Variants in ERICH1 observed in about 807,000 individuals in gnomAD.
ERICH1 encodes glutamate rich 1.
In ERICH1, 56 loss-of-function variants were observed where a neutral mutation model predicts 39.6. The observed-to-expected ratio is 1.41, with a 90% CI of 1.14 to 1.77. The LOEUF (loss-of-function observed/expected upper bound fraction) is 1.77, where lower values mean the gene tolerates loss of function less well. Among genes scored for constraint, ERICH1 ranks in the 40% most tolerant of loss-of-function variants. The probability of loss-of-function intolerance (pLI) is 0.00; values close to 1 mark genes in which losing one functional copy is unlikely to be tolerated. For synonymous variants in ERICH1, 313 were observed against 223.6 expected, an observed-to-expected ratio of 1.40 and a Z score of -3.57; for missense variants, 826 against 575.4, an observed-to-expected ratio of 1.44 and a Z score of -4.45.
At chr8:713,282 G>A (rs574055381) in intron 2 of ERICH1, among the ~76,000 whole-genome samples, 9 of 152,338 alleles carry the variant, frequency 5.9e-5, no homozygotes, top group African/African-American at 1.2e-4. Flanking sequence ...TGCTGGTGGC[G>A]GCTGTGAGGC....
At chr8:629,944 C>A (rs1410857048) in intron 3 of ERICH1, among the ~76,000 whole-genome samples, 1 of 130,132 alleles carries the variant, frequency 7.7e-6, no homozygotes, top group South Asian at 2.5e-4. Flanking sequence ...CCACACAGAG[C>A]TGACTCACAC....
chr8:628,064 T>G (rs1392207647), intron 3 of ERICH1, among the ~76,000 whole-genome samples: 2 of 152,124 alleles, frequency 1.3e-5, no homozygotes, highest in East Asian at 3.9e-4. Flanking sequence ...CTCAACTAAA[T>G]GGCCCTCTCT....
chr8:719,376 T>G, intron 1 of ERICH1, among the ~76,000 whole-genome samples: 1 of 152,220 alleles, frequency 6.6e-6, no homozygotes, highest in Non-Finnish European at 1.5e-5. Context: ...TGCAGTAACT[T>G]GGGTCCAGTG....
intron 3 of ERICH1, among the ~76,000 whole-genome samples, chr8:620,923 T>C (rs1797241781): frequency 6.6e-6 from 1 of 152,184 alleles, no homozygotes; most frequent in Admixed American, 6.5e-5. Flanking sequence ...AACTTAGATT[T>C]AACCAGCATC....
In ERICH1 at chr8:674,062, C is replaced by G. The variant is rs376326473; in HGVS notation, c.305-15G>C. ...AGGATCCTGATCTGTTAAAAAAATT[C>G]AAATATAACAATTTTCAGTACAATG... On this transcript the variant is annotated splice_polypyrimidine_tract_variant and intron_variant, in intron 3 of 5. Coordinates refer to ENST00000262109, the MANE Select transcript of ERICH1 (RefSeq NM_207332.3). 86 of 1,517,510 alleles carry G rather than the reference C, an allele frequency of 5.7e-5. No homozygotes were observed. The Admixed American group carries it at 6.2e-4, about 11-fold the overall frequency. The allele number at this position is 1,517,510 out of a possible 1,614,324, so 94.0% of individuals were successfully genotyped here.
At chr8:658,114 G>C (rs1219416148) in intron 3 of ERICH1, among the ~76,000 whole-genome samples, 1 of 152,226 alleles carries the variant, frequency 6.6e-6, no homozygotes, top group African/African-American at 2.4e-5. Context: ...TCGTGCCCAA[G>C]TGGCCTCTGG....
At chr8:668,552 T>G in intron 5 of ERICH1, 46 bp downstream of exon 5, 25 of 1,608,192 alleles carry the variant, frequency 1.6e-5, no homozygotes, top group Non-Finnish European at 2.0e-5. Flanking sequence ...CAAACCTCGA[T>G]GAGAGTATCT....
chr8:664,334 A>C lies in ERICH1; in HGVS notation c.*269T>G, dbSNP rs1176925497. On this transcript the variant is annotated 3_prime_UTR_variant, in exon 6 of 6. Coordinates refer to ENST00000262109, the MANE Select transcript of ERICH1 (RefSeq NM_207332.3). The stretch of plus-strand genomic sequence containing the variant: ...TTAACTTAACAGAATGTCCATTTTC[A>C]ATTTTTACAATAAGTAGAGAAACAG... 1 of 1,102,608 alleles carries C rather than the reference A, an allele frequency of 9.1e-7. No individual in the cohort carries two copies. The highest frequency in any genetic ancestry group is 5.2e-5 in the East Asian group (1 of 19,064). The allele number at this position is 1,102,608 out of a possible 1,614,324, so 68.3% of individuals were successfully genotyped here.
chr8:694,669 G>C (rs551826901), intron 2 of ERICH1, among the ~76,000 whole-genome samples: 4 of 152,326 alleles, frequency 2.6e-5, no homozygotes, highest in East Asian at 1.9e-4. Flanking sequence ...CTCACGGCTT[G>C]CTCGTCTGTG....
intron 5 of ERICH1, among the ~76,000 whole-genome samples, chr8:665,524 C>T (rs924367287): frequency 6.6e-6 from 1 of 152,208 alleles, no homozygotes; most frequent in Non-Finnish European, 1.5e-5. Flanking sequence ...CTCCATCCCG[C>T]CCAGGGGCAA....
chr8:676,525 C>G (rs1044576127), intron 3 of ERICH1, among the ~76,000 whole-genome samples: 3 of 151,842 alleles, frequency 2.0e-5, no homozygotes, highest in Admixed American at 6.6e-5. Context: ...CGCGGCGGCC[C>G]CTCGTGAGGA....
At chr8:680,359 GA>G (rs1317728326) in intron 3 of ERICH1, among the ~76,000 whole-genome samples, 1 of 130,880 alleles carries the variant, frequency 7.6e-6, no homozygotes, top group African/African-American at 2.9e-5. Context: ...GAACACAGAA[GA>G]TGCAAGAGAA....
At position 668,747 on chromosome 8, in the gene ERICH1, T is replaced by C; in HGVS notation, c.1109A>G (p.Glu370Gly). The C allele has an allele frequency of 6.2e-7, 1 of 1,613,148 alleles. No homozygotes were observed. Among genetic ancestry groups the C allele is most frequent in the Non-Finnish European group, 8.5e-7 (1 of 1,179,390 alleles). Residue 370 changes from glutamate to glycine, a missense_variant, in exon 5 of 6, where the codon GAG (glutamate) becomes GGG (glycine). Coordinates refer to ENST00000262109, the MANE Select transcript of ERICH1 (RefSeq NM_207332.3). ...TGACGCAAGGCGGTCCAGCAGCTCC[T>C]CAGCGGCATCTGCGAGGGCAGCTGA... ...AASAALADAA[E>G]ELLDRLASHS...
chr8:651,391 G>A (rs1300911892), intron 3 of ERICH1, among the ~76,000 whole-genome samples: 1 of 152,196 alleles, frequency 6.6e-6, no homozygotes, highest in Admixed American at 6.5e-5. Context: ...AGGGCTCCTT[G>A]GAGAAGCAGC....
At chr8:672,289 C>A (rs1197988569) in intron 4 of ERICH1, 1 of 152,222 alleles carries the variant, frequency 6.6e-6, no homozygotes, top group Non-Finnish European at 1.5e-5. Context: ...CCATGTCTTC[C>A]TGATGTGCCA....
chr8:722,228 G>GAA (rs137892907), intron 1 of ERICH1, among the ~76,000 whole-genome samples: 1 of 140,668 alleles, frequency 7.1e-6, no homozygotes, highest in African/African-American at 2.6e-5. Flanking sequence ...AATGCCAATC[G>GAA]AAAAAAAAAA....
intron 3 of ERICH1, among the ~76,000 whole-genome samples, chr8:658,568 G>A (rs1394308532): frequency 2.6e-5 from 4 of 152,100 alleles, no homozygotes; most frequent in Non-Finnish European, 4.4e-5. Flanking sequence ...AACTATCCGC[G>A]GCCCACGTCC....
intron 3 of ERICH1, among the ~76,000 whole-genome samples, chr8:620,427 CAG>C (rs1420391406): frequency 6.6e-6 from 1 of 152,050 alleles, no homozygotes. Context: ...AATCAAAAGG[CAG>C]AGATCATCAG....
chr8:617,017 G>T (rs1467429272), intron 3 of ERICH1, among the ~76,000 whole-genome samples: 3 of 150,244 alleles, frequency 2.0e-5, no homozygotes, highest in Non-Finnish European at 3.0e-5. Flanking sequence ...TATCCAGAAG[G>T]AAGAAAAACG....
Sources: gnomAD v4.1 joint callset for allele counts (sites outside exome capture counted in the v4.1 genomes callset) on GRCh38, gnomAD v4.1.1 for gene constraint, MANE v1.5 for transcripts, NCBI Gene and HGNC (gene_info 2026-07-23, HGNC 2026-07-21) for gene names.